The following NLN variants were observed in gnomAD, a reference collection of about 807,000 sequenced individuals.
NLN encodes neurolysin, also known as neurolysin, mitochondrial.
In NLN, 64 loss-of-function variants were observed where a neutral mutation model predicts 79.9. The ratio of observed to expected loss-of-function variants is 0.80; its 90% CI spans 0.65 to 0.99. The LOEUF (loss-of-function observed/expected upper bound fraction) is 0.99, where lower values mean the gene tolerates loss of function less well. Ranked by LOEUF, NLN falls within the 50% of genes least tolerant of loss-of-function variation. NLN has a pLI of 0.00. For missense variants in NLN, 835 were observed against 858.7 expected (o/e 0.97, Z 0.34); for synonymous variants, 267 against 296.6 (o/e 0.90, Z 1.02).
chr5:65,771,355 G>A (rs1395925417), intron 3 of NLN, among the ~76,000 whole-genome samples: 1 of 152,218 alleles, frequency 6.6e-6, no homozygotes, highest in African/African-American at 2.4e-5. Flanking sequence ...TTTCATACCT[G>A]CTCTTTCCAG....
At chr5:65,794,564 C>T (rs534601120) in intron 9 of NLN, among the ~76,000 whole-genome samples, 22 of 151,904 alleles carry the variant, frequency 1.4e-4, no homozygotes, top group African/African-American at 5.3e-4. Flanking sequence ...GTGATCGCGC[C>T]ACTGCTCTCC....
chr5:65,792,451 T>C lies in NLN; in HGVS notation c.1326-3T>C. The C allele has an allele frequency of 1.9e-6, 3 of 1,610,280 alleles. No homozygotes were observed. Among genetic ancestry groups the C allele is most frequent in the Non-Finnish European group, 2.5e-6 (3 of 1,176,918 alleles). On this transcript the variant is annotated splice_polypyrimidine_tract_variant and splice_region_variant and intron_variant, in intron 8 of 12. Transcript: ENST00000380985. ...GTTGCCAACGCGTGTTTCTGGCTCCTAGGGAAGGAAAATACAATCATGCGG... is the reference window on the plus strand; with the variant it reads ...GTTGCCAACGCGTGTTTCTGGCTCCCAGGGAAGGAAAATACAATCATGCGG...
intron 7 of NLN, 89 bp from the exon 8 acceptor site, chr5:65,788,029 G>A (rs563257808): frequency 1.1e-4 from 141 of 1,305,028 alleles, no homozygotes; most frequent in Non-Finnish European, 1.4e-4. Context: ...CTGCAAAGGA[G>A]GAAGCACCAT....
At chr5:65,733,585 T>C (rs554948848) in intron 1 of NLN, 3 of 1,501,550 alleles carry the variant, frequency 2.0e-6, no homozygotes, top group East Asian at 2.3e-5. Context: ...AGGATCTTTT[T>C]TGGTCCCGTC....
At chr5:65,785,379 T>G (rs1224650331) in intron 6 of NLN, among the ~76,000 whole-genome samples, 4 of 152,178 alleles carry the variant, frequency 2.6e-5, no homozygotes, top group Non-Finnish European at 5.9e-5. Context: ...ATTAAAAAGA[T>G]AAATTTTACG....
In NLN at chr5:65,785,848, A is replaced by T. The variant is rs770387113; in HGVS notation, c.896A>T (p.His299Leu). ...GCCAAACTACTCGGTTATAGCACAC[A>T]TGCTGACTTCGTCCTTGAAATGAAC... ...KVAKLLGYST[H>L]ADFVLEMNTA... The change falls in exon 7 of 13, where the codon CAT (histidine) becomes CTT (leucine). Residue 299 changes from histidine to leucine, a missense_variant. By Grantham distance (99) the His-to-Leu change is moderately conservative (BLOSUM62 -3). Coordinates refer to ENST00000380985, the MANE Select transcript of NLN (RefSeq NM_020726.5). The T allele has an allele frequency of 3.4e-5, 55 of 1,613,840 alleles. No individual in the cohort carries two copies. Among genetic ancestry groups the T allele is most frequent in the Non-Finnish European group, 4.2e-5 (49 of 1,179,892 alleles).
intron 4 of NLN, among the ~76,000 whole-genome samples, chr5:65,779,373 C>G (rs997259570): frequency 3.4e-5 from 5 of 148,336 alleles, no homozygotes; most frequent in African/African-American, 1.2e-4. Context: ...TTTTTTTTTT[C>G]TGGTGGTTTC....
chr5:65,736,520 T>C (rs1281765094), intron 1 of NLN, among the ~76,000 whole-genome samples: 1 of 152,196 alleles, frequency 6.6e-6, no homozygotes, highest in Non-Finnish European at 1.5e-5. Flanking sequence ...CTAATTTACT[T>C]CCTTCTCTCC....
intron 4 of NLN, among the ~76,000 whole-genome samples, chr5:65,779,862 T>G (rs1759760376): frequency 6.6e-6 from 1 of 152,058 alleles, no homozygotes; most frequent in African/African-American, 2.4e-5. Flanking sequence ...GGCACAGAAG[T>G]CAATCTTCAT....
At position 65,812,308 on chromosome 5, in the gene NLN, T is replaced by C; in HGVS notation, c.1897T>C (p.Tyr633His). 6.2e-7 allele frequency: 1 copy of C among 1,605,548 alleles called. No individual in the cohort carries two copies. Among genetic ancestry groups the C allele is most frequent in the Non-Finnish European group, 8.5e-7 (1 of 1,172,222 alleles). ...GHLAGGYDGQ[Y>H]YGYLWSEVFS... ...TTTGGCAGGGGGATACGATGGCCAATATTATGGATATCTTTGGAGTGAAGT... is the reference window on the plus strand; with the variant it reads ...TTTGGCAGGGGGATACGATGGCCAACATTATGGATATCTTTGGAGTGAAGT... The change falls in exon 12 of 13, where the codon TAT (tyrosine) becomes CAT (histidine). Residue 633 changes from tyrosine to histidine, a missense_variant. Physicochemically the swap from Tyr to His is moderately conservative, Grantham distance 83. Coordinates refer to ENST00000380985, the MANE Select transcript of NLN (RefSeq NM_020726.5).
chr5:65,728,177 A>G (rs1758520377), intron 1 of NLN, among the ~76,000 whole-genome samples: 1 of 152,226 alleles, frequency 6.6e-6, no homozygotes, highest in Admixed American at 6.5e-5. Flanking sequence ...TATATAATCC[A>G]GCCACCTGGA....
chr5:65,816,200 A>T (rs971541069), intron 12 of NLN, among the ~76,000 whole-genome samples: 4 of 152,160 alleles, frequency 2.6e-5, no homozygotes, highest in African/African-American at 9.7e-5. Context: ...CAAAAAAAAA[A>T]TAAAAAGAAC....
At chr5:65,736,062 A>C (rs917044298) in intron 1 of NLN, among the ~76,000 whole-genome samples, 4 of 152,204 alleles carry the variant, frequency 2.6e-5, no homozygotes, top group African/African-American at 9.6e-5. Flanking sequence ...CTATATGTAA[A>C]ATGATATTTC....
chr5:65,778,606 C>A (rs1759729302), intron 4 of NLN, among the ~76,000 whole-genome samples: 1 of 152,130 alleles, frequency 6.6e-6, no homozygotes, highest in Non-Finnish European at 1.5e-5. Context: ...TTGCAGCTAA[C>A]AAAACCCTGT....
intron 8 of NLN, among the ~76,000 whole-genome samples, chr5:65,788,879 G>A (rs1398547982): frequency 2.6e-5 from 4 of 152,146 alleles, no homozygotes; most frequent in South Asian, 2.1e-4. Flanking sequence ...GGCTGAGGTG[G>A]GAGGATCACT....
intron 12 of NLN, among the ~76,000 whole-genome samples, chr5:65,813,710 C>G (rs1170266402): frequency 6.6e-6 from 1 of 152,044 alleles, no homozygotes; most frequent in Non-Finnish European, 1.5e-5. Context: ...GAGGATCGCT[C>G]AAGTCCAGGA....
At chr5:65,788,513 C>T in intron 8 of NLN, 29 bp downstream of exon 8, 1 of 1,595,934 alleles carries the variant, frequency 6.3e-7, no homozygotes, top group Non-Finnish European at 8.6e-7. Flanking sequence ...TTGGAAGGGA[C>T]CTTAGGGATT....
At chr5:65,722,892 T>G (rs1339593789) in intron 1 of NLN, 1 of 154,032 alleles carries the variant, frequency 6.5e-6, no homozygotes, top group Non-Finnish European at 1.4e-5. Flanking sequence ...CCGTCCATGC[T>G]CTCTGACTTC....
chr5:65,731,636 A>C (rs252646), intron 1 of NLN, among the ~76,000 whole-genome samples: 32,416 of 151,760 alleles, frequency 0.21, 3,953 homozygotes, highest in South Asian at 0.34. Flanking sequence ...ATTTTTATAC[A>C]GTCAGAAATA....
Sources: gnomAD v4.1 joint callset for allele counts (sites outside exome capture counted in the v4.1 genomes callset) on GRCh38, gnomAD v4.1.1 for gene constraint, MANE v1.5 for transcripts, NCBI Gene and HGNC (gene_info 2026-07-23, HGNC 2026-07-21) for gene names.